TECPR2: variants seen among roughly 807,000 people sequenced by gnomAD.
TECPR2 encodes tectonin beta-propeller repeat containing 2.
In TECPR2, 65 loss-of-function variants were observed where a neutral mutation model predicts 138.1. The ratio of observed to expected loss-of-function variants is 0.47; its 90% confidence interval spans 0.39 to 0.58. The LOEUF is 0.58. Ranked by LOEUF, TECPR2 falls within the 20% of genes least tolerant of loss-of-function variation. The pLI is 0.00. For missense variants in TECPR2, 1,553 were observed against 1,824.5 expected, an observed-to-expected ratio of 0.85 and a Z score of 2.71; for synonymous variants, 746 against 749.8, an observed-to-expected ratio of 0.99 and a Z score of 0.08.
At chr14:102,468,749 A>G (rs1348145837) in intron 17 of TECPR2, among the ~76,000 whole-genome samples, 1 of 152,192 alleles carries the variant, frequency 6.6e-6, no homozygotes, top group Admixed American at 6.5e-5. Context: ...TAGCTCTTAC[A>G]TTAAGTGCTT....
chr14:102,375,251 C>A (rs1887614556), intron 1 of TECPR2, among the ~76,000 whole-genome samples: 1 of 151,442 alleles, frequency 6.6e-6, no homozygotes, highest in African/African-American at 2.4e-5. Context: ...GAGGTGGAGG[C>A]AGGAGGTTCA....
intron 18 of TECPR2, 38 bp downstream of exon 18, chr14:102,497,158 C>A: frequency 6.3e-7 from 1 of 1,594,322 alleles, no homozygotes; most frequent in Admixed American, 1.7e-5. Context: ...TGCCGGCCAG[C>A]CGGGGCTACC....
At chr14:102,413,391 A>T (rs7149616) in intron 4 of TECPR2, among the ~76,000 whole-genome samples, 96,165 of 148,958 alleles carry the variant, frequency 0.65, 31,878 homozygotes, top group Middle Eastern at 0.75. Flanking sequence ...ATATATATAT[A>T]TTTTTTGAGA....
intron 17 of TECPR2, among the ~76,000 whole-genome samples, chr14:102,482,838 CTTTTTTT>C (rs758301929): frequency 1.0e-5 from 1 of 96,574 alleles, no homozygotes; most frequent in Non-Finnish European, 2.0e-5. Context: ...AGAAGCCTTT[CTTTTTTT>C]TTTTTTTTTT....
chr14:102,498,014 C>A, intron 19 of TECPR2, 89 bp from the exon 20 acceptor site: 1 of 824,958 alleles, frequency 1.2e-6, no homozygotes, highest in Admixed American at 2.7e-5. Context: ...GTGGCAAGCC[C>A]AGACCTGCGC....
At chr14:102,401,152 A>G (rs1436171739) in intron 2 of TECPR2, among the ~76,000 whole-genome samples, 2 of 151,878 alleles carry the variant, frequency 1.3e-5, no homozygotes, top group Non-Finnish European at 2.9e-5. Flanking sequence ...TTTAAAACCA[A>G]TCTGGGCTGG....
chr14:102,398,443 G>A (rs959912697), intron 2 of TECPR2, among the ~76,000 whole-genome samples: 2 of 152,150 alleles, frequency 1.3e-5, no homozygotes, highest in African/African-American at 2.4e-5. Context: ...GTATCTGGAA[G>A]CTTCCCAGAT....
At chr14:102,497,144 G>A in intron 18 of TECPR2, 24 bp downstream of exon 18, 1 of 1,604,364 alleles carries the variant, frequency 6.2e-7, no homozygotes, top group South Asian at 1.1e-5. Flanking sequence ...GACAGGGCCT[G>A]TGGTGCCGGC....
intron 13 of TECPR2, 39 bp from the exon 14 acceptor site, chr14:102,449,590 G>T: frequency 6.2e-7 from 1 of 1,610,534 alleles, no homozygotes; most frequent in Non-Finnish European, 8.5e-7. Flanking sequence ...ACTTGTAACT[G>T]CTCTGACAGC....
chr14:102,485,379 A>AT (rs1409963601), intron 17 of TECPR2, among the ~76,000 whole-genome samples: 2 of 151,912 alleles, frequency 1.3e-5, no homozygotes, highest in Non-Finnish European at 2.9e-5. Context: ...ACTTCCTTTA[A>AT]TTTTTTCCAT....
rs575399698 is a variant in TECPR2 at position 102,363,089 on chromosome 14, G to T, written c.-100G>T. 2.1e-5 allele frequency: 10 copies of T among 475,142 alleles called. No homozygotes were observed. The highest frequency in any genetic ancestry group is 3.7e-5 in the Non-Finnish European group (10 of 272,712). 29.4% of individuals were successfully genotyped at this position (475,142 alleles called of 1,614,324 possible). On this transcript the variant is annotated 5_prime_UTR_variant, in exon 1 of 20. Coordinates refer to ENST00000359520, the MANE Select transcript of TECPR2 (RefSeq NM_014844.5). ...CCGCCTCCTCCGGCCCGGCGGGGCC[G>T]ACGAGTCCGGAGGGGCTGCCGCGGG...
intron 12 of TECPR2, among the ~76,000 whole-genome samples, chr14:102,444,121 A>G (rs1889907326): frequency 6.6e-6 from 1 of 151,426 alleles, no homozygotes; most frequent in South Asian, 2.1e-4. Flanking sequence ...GTTCTGGTTT[A>G]GTGTCTGTGA....
Position 102,434,651 on chromosome 14 carries a change from C to A in TECPR2, c.1834C>A (p.Gln612Lys), listed in dbSNP as rs764666673. 1.2e-6 allele frequency: 2 copies of A among 1,604,098 alleles called. No individual in the cohort carries two copies. Among genetic ancestry groups the A allele is most frequent in the Non-Finnish European group, 1.7e-6 (2 of 1,173,162 alleles). ...CPADDGPNSTQLPFQEQDSSP... is the reference protein window; with the variant it reads ...CPADDGPNSTKLPFQEQDSSP... ...TGCAGATGATGGACCAAATAGCACA[C>A]AGTTACCCTTCCAAGAACAGGACAG... is the stretch of plus-strand genomic sequence containing the variant. The change falls in exon 9 of 20, where the codon CAG becomes AAG. Residue 612 changes from glutamine (Q) to lysine (K), a missense_variant. Transcript: ENST00000359520.
rs1262838125 is a variant in TECPR2 at position 102,435,017 on chromosome 14, A to G, written c.2200A>G (p.Ser734Gly). The G allele has an allele frequency of 2.5e-6, 4 of 1,614,032 alleles. No homozygotes were observed. The Admixed American group carries it at 6.7e-5, about 27-fold the overall frequency. The stretch of plus-strand genomic sequence containing the variant: ...GACTCCGGTCTCTGCCTTGGCAGCC[A>G]GCACTCACAAGCCCTGGCTTGAGCA... ...QLTPVSALAA[S>G]THKPWLEQPP... Residue 734 changes from serine (S) to glycine (G), a missense_variant, in exon 9 of 20, where the codon AGC becomes GGC. Physicochemically the swap from Ser to Gly is moderately conservative, Grantham distance 56. Coordinates refer to ENST00000359520, the MANE Select transcript of TECPR2 (RefSeq NM_014844.5).
intron 17 of TECPR2, among the ~76,000 whole-genome samples, chr14:102,495,447 G>A (rs1014221787): frequency 1.3e-5 from 2 of 152,134 alleles, no homozygotes; most frequent in Non-Finnish European, 2.9e-5. Context: ...ATTCAGAGGC[G>A]CAGATTTGGG....
chr14:102,428,484 G>C (rs1347837949), intron 7 of TECPR2, 102 bp downstream of exon 7: 102 of 1,544,258 alleles, frequency 6.6e-5, no homozygotes, highest in Non-Finnish European at 8.1e-5. Flanking sequence ...CATTGGGCCA[G>C]GCATGGTGGC....
chr14:102,374,918 G>A (rs1178128213), intron 1 of TECPR2, among the ~76,000 whole-genome samples: 2 of 152,218 alleles, frequency 1.3e-5, no homozygotes, highest in Non-Finnish European at 1.5e-5. Context: ...TCCCTGCGGG[G>A]GGAAGAGGGG....
chr14:102,417,210 T>C (rs559800991), intron 5 of TECPR2, among the ~76,000 whole-genome samples: 3 of 152,282 alleles, frequency 2.0e-5, no homozygotes, highest in African/African-American at 7.2e-5. Flanking sequence ...CTTGGGGAAA[T>C]GAGGGCTAAC....
At chr14:102,379,777 G>A (rs1887747814) in intron 2 of TECPR2, among the ~76,000 whole-genome samples, 1 of 146,060 alleles carries the variant, frequency 6.8e-6, no homozygotes, top group East Asian at 2.0e-4. Flanking sequence ...CATGCACAGA[G>A]GCGTCCTAGT....
Sources: gnomAD v4.1 joint callset for allele counts (sites outside exome capture counted in the v4.1 genomes callset) on GRCh38, gnomAD v4.1.1 for gene constraint, MANE v1.5 for transcripts, NCBI Gene and HGNC (gene_info 2026-07-23, HGNC 2026-07-21) for gene names.